The following SEMA4D variants were observed in gnomAD, a reference collection of about 807,000 sequenced individuals.
SEMA4D encodes the protein semaphorin-4D.
SEMA4D carries 22 observed loss-of-function variants against 74.8 expected under a neutral mutation model. That is an observed-to-expected ratio of 0.29 (90% confidence interval 0.21 to 0.42). The LOEUF (loss-of-function observed/expected upper bound fraction) is 0.42, where lower values mean the gene tolerates loss of function less well. Ranked by LOEUF, SEMA4D falls within the 10% of genes least tolerant of loss-of-function variation. The pLI, the probability that SEMA4D is intolerant of heterozygous loss-of-function variation, is 1.00. For missense variants in SEMA4D, 937 were observed against 1,118.4 expected, an observed-to-expected ratio of 0.84 and a Z score of 2.31; for synonymous variants, 445 against 463.7, an observed-to-expected ratio of 0.96 and a Z score of 0.52.
At position 89,366,754 on chromosome 9, in the gene SEMA4D, G is replaced by GTTA. The variant is rs538913253; in HGVS notation, c.1883-2807_1883-2805dup. On this transcript the variant is annotated intron_variant, in intron 16 of 18. Transcript: ENST00000339861. Reference sequence around the variant, plus strand: ...TTTAAGAAACAGATTTTTTTGAGCTGTTATGATCAAGTAACACTTTTCTTT... The same window carrying GTTA: ...TTTAAGAAACAGATTTTTTTGAGCTGTTATTATGATCAAGTAACACTTTTCTTT... Among the ~76,000 whole-genome samples, 12 of 152,254 alleles carry GTTA rather than the reference G, an allele frequency of 7.9e-5. No individual in the cohort carries two copies. The South Asian group carries it at 2.5e-3, about 32-fold the overall frequency.
In SEMA4D at chr9:89,405,438, T is replaced by TG. The variant is rs1282763281; in HGVS notation, c.18dup (p.Ile7HisfsTer2). The TG allele has an allele frequency of 6.2e-7, 1 of 1,613,716 alleles. No homozygotes were observed. The highest frequency in any genetic ancestry group is 8.5e-7 in the Non-Finnish European group (1 of 1,179,986). On this transcript the variant is annotated frameshift_variant, in exon 3 of 16. Transcript: ENST00000422704. LOFTEE classifies it high-confidence loss of function. ...GCAAGGGCCATGAGCAGCCCCCTAA[T>TG]GGGGGTGCACATCCTCATCAGGTAG...
At chr9:89,405,252 G>A in intron 3 of SEMA4D, 99 bp downstream of exon 3, 1 of 984,782 alleles carries the variant, frequency 1.0e-6, no homozygotes, top group South Asian at 1.4e-5. Context: ...ATTCCAGGAA[G>A]TGGGGTCCCT....
At chr9:89,384,451 A>C (rs1406413599) in intron 13 of SEMA4D, among the ~76,000 whole-genome samples, 1 of 152,216 alleles carries the variant, frequency 6.6e-6, no homozygotes, top group African/African-American at 2.4e-5. Flanking sequence ...AGAAACAGAA[A>C]GCAGAATGGC....
intron 16 of SEMA4D, chr9:89,366,983 C>T (rs1481693266): frequency 6.6e-6 from 1 of 152,182 alleles, no homozygotes; most frequent in African/African-American, 2.4e-5. Context: ...CCACTGACTG[C>T]AAAACCCTCA....
At chr9:89,363,723 G>T (rs761289384) in intron 17 of SEMA4D, 21 of 1,608,510 alleles carry the variant, frequency 1.3e-5, no homozygotes, top group Non-Finnish European at 1.8e-5. Flanking sequence ...GGTAACAGTG[G>T]GCATGGGAAT....
chr9:89,431,460 T>C (rs1849259811), intron 2 of SEMA4D, among the ~76,000 whole-genome samples: 1 of 152,218 alleles, frequency 6.6e-6, no homozygotes, highest in South Asian at 2.1e-4. Context: ...GGAGGCATTT[T>C]TCAGTATTGT....
Position 89,392,529 on chromosome 9 carries a change from T to C in SEMA4D, c.516A>G (p.Glu172=). ...AATTATACGACGTCCCCGAATAAAG[T>C]TCTCCATCTGCAGGGGCCCAGAAGA... ...HSYTSVMVDG[E]LYSGTSYNFL... The change falls in exon 8 of 16, where the codon GAA becomes GAG. Residue 172 remains glutamate (E), a synonymous_variant. Transcript: ENST00000422704. 5 of 1,611,612 alleles carry C rather than the reference T, an allele frequency of 3.1e-6. No individual in the cohort carries two copies. Among genetic ancestry groups the C allele is most frequent in the Non-Finnish European group, 4.2e-6 (5 of 1,177,754 alleles).
At chr9:89,394,007 G>A (rs535003388) in intron 6 of SEMA4D, among the ~76,000 whole-genome samples, 8 of 152,308 alleles carry the variant, frequency 5.3e-5, no homozygotes, top group African/African-American at 1.2e-4. Context: ...GTATGTAATC[G>A]GAAGCCCATG....
chr9:89,426,206 C>A (rs1848069003), intron 2 of SEMA4D, among the ~76,000 whole-genome samples: 2 of 152,242 alleles, frequency 1.3e-5, no homozygotes, highest in Non-Finnish European at 2.9e-5. Flanking sequence ...GCTCGTTCTG[C>A]CACGGTGCAG....
chr9:89,438,349 C>T (rs547826252), intron 2 of SEMA4D, among the ~76,000 whole-genome samples: 1 of 152,352 alleles, frequency 6.6e-6, no homozygotes, highest in South Asian at 2.1e-4. Flanking sequence ...AGAGAGCTTT[C>T]AGGGTGGAGC....
intron 1 of SEMA4D, among the ~76,000 whole-genome samples, chr9:89,497,192 A>T (rs1010877219): frequency 5.3e-5 from 8 of 152,226 alleles, no homozygotes; most frequent in Non-Finnish European, 1.0e-4. Flanking sequence ...TTACTGGCAT[A>T]ACCCCAGTAG....
downstream of SEMA4D, chr9:89,376,306 C>A (rs903295310): frequency 6.6e-6 from 1 of 152,112 alleles, no homozygotes; most frequent in Non-Finnish European, 1.5e-5. Context: ...GCAGGGGCTG[C>A]AGTGAGCTAT....
chr9:89,363,147 A>G (rs372819462), intron 18 of SEMA4D, among the ~76,000 whole-genome samples: 1 of 152,148 alleles, frequency 6.6e-6, no homozygotes, highest in Admixed American at 6.5e-5. Context: ...GTGGGGGCCC[A>G]TCTAACTAGA....
In SEMA4D at chr9:89,490,915, A is replaced by G. The variant is rs142549735; in HGVS notation, c.-310+7004T>C. Among the ~76,000 whole-genome samples the G allele has an allele frequency of 3.0e-3, 456 of 152,334 alleles. 3 individuals carry two copies. Among genetic ancestry groups the G allele is most frequent in the African/African-American group, 0.01 (432 of 41,580 alleles). ...TGTGGCAACTGCTCACCTCTGCTGCAATAGCATAAAAGCAGCCACAGATGA... is the reference window on the plus strand; with the variant it reads ...TGTGGCAACTGCTCACCTCTGCTGCGATAGCATAAAAGCAGCCACAGATGA... On this transcript the variant is annotated intron_variant, in intron 1 of 15. Transcript: ENST00000422704.
chr9:89,492,204 C>A lies in SEMA4D; in HGVS notation c.-310+5715G>T, dbSNP rs1028389966. Among the ~76,000 whole-genome samples, 5 of 152,156 alleles carry A rather than the reference C, an allele frequency of 3.3e-5. No individual in the cohort carries two copies. The highest frequency in any genetic ancestry group is 1.2e-4 in the African/African-American group (5 of 41,424). ...CACCATCCCAGACCACATGGATAAA[C>A]CCCAGGTTGTCTTCGGTTCTCACCT... On this transcript the variant is annotated intron_variant, in intron 1 of 15. Transcript: ENST00000422704. This position sits in a 1 kb window ranked among gnomAD's most constrained non-coding sequence, Gnocchi z 4.3.
At chr9:89,387,181 C>G (rs1178138375) in intron 12 of SEMA4D, 1 of 555,680 alleles carries the variant, frequency 1.8e-6, no homozygotes, top group East Asian at 3.0e-5. Flanking sequence ...TAACAAGTAC[C>G]TCCAGTAGCC....
chr9:89,411,728 C>T (rs972856600), intron 2 of SEMA4D, among the ~76,000 whole-genome samples: 10 of 152,228 alleles, frequency 6.6e-5, no homozygotes, highest in African/African-American at 2.4e-4. Flanking sequence ...AAGCAGAAGA[C>T]ATGACCCCCT....
In SEMA4D at chr9:89,492,270, A is replaced by T. The variant is rs1825687814; in HGVS notation, c.-310+5649T>A. Among the ~76,000 whole-genome samples, 1 of 152,084 alleles carries T rather than the reference A, an allele frequency of 6.6e-6. No homozygotes were observed. On this transcript the variant is annotated intron_variant, in intron 1 of 15. Transcript: ENST00000422704. This position sits in a 1 kb window ranked among gnomAD's most constrained non-coding sequence, Gnocchi z 4.3. Reference sequence around the variant, plus strand: ...TCACCCTCCCTCTCATGCAAGCTGCATGTGGCCTCCAGGATGCCCTCAGAA... The same window carrying T: ...TCACCCTCCCTCTCATGCAAGCTGCTTGTGGCCTCCAGGATGCCCTCAGAA...
chr9:89,368,827 C>T (rs892151264), intron 16 of SEMA4D: 1 of 152,252 alleles, frequency 6.6e-6, no homozygotes, highest in Admixed American at 6.5e-5. Context: ...GGCAGGAATC[C>T]TGAACCTCTT....
Sources: gnomAD v4.1 joint callset for allele counts (sites outside exome capture counted in the v4.1 genomes callset) on GRCh38, gnomAD v4.1.1 for gene constraint, Gnocchi (gnomAD v3.1) non-coding constraint, MANE v1.5 for transcripts, NCBI Gene and HGNC (gene_info 2026-07-23, HGNC 2026-07-21) for gene names.